Variants in VRK3 observed in about 807,000 individuals in gnomAD.
VRK3 encodes the protein VRK serine/threonine kinase 3.
In VRK3, 50 loss-of-function variants were observed where a neutral mutation model predicts 60.4. The observed-to-expected ratio is 0.83, with a 90% confidence interval of 0.66 to 1.05. The LOEUF (loss-of-function observed/expected upper bound fraction) is 1.05. Among genes scored for constraint, VRK3 ranks in the 50% least tolerant of loss-of-function variants. The pLI is 0.00. For missense variants in VRK3, 549 were observed against 585.3 expected, an observed-to-expected ratio of 0.94 and a Z score of 0.64; for synonymous variants, 246 against 227.8, an observed-to-expected ratio of 1.08 and a Z score of -0.72.
Position 49,977,977 on chromosome 19 carries a change from G to A in VRK3, c.*11+1106C>T, listed in dbSNP as rs370485363. Among the ~76,000 whole-genome samples the A allele has an allele frequency of 3.9e-5, 6 of 152,320 alleles. No homozygotes were observed. In the South Asian group the frequency reaches 1.2e-3, roughly 32 times the overall value. ...CCTCAGATGTAAGGAAACGTTGTGGGAATGCAGAAGCACTTGTAATCCAAG... is the reference window on the plus strand; with the variant it reads ...CCTCAGATGTAAGGAAACGTTGTGGAAATGCAGAAGCACTTGTAATCCAAG... On this transcript the variant is annotated intron_variant, in intron 14 of 14. Coordinates refer to ENST00000316763, the MANE Select transcript of VRK3 (RefSeq NM_016440.4).
At chr19:50,022,342 T>C (rs1322272668) in intron 1 of VRK3, among the ~76,000 whole-genome samples, 1 of 152,168 alleles carries the variant, frequency 6.6e-6, no homozygotes, top group African/African-American at 2.4e-5. Context: ...ACCAGCCTGG[T>C]CTAGGCCACC....
At chr19:50,000,669 G>A in intron 6 of VRK3, 121 bp downstream of exon 6, 1 of 1,173,704 alleles carries the variant, frequency 8.5e-7, no homozygotes, top group Non-Finnish European at 1.2e-6. Context: ...AATACTCCTT[G>A]CAGGTGGGGA....
Position 50,025,068 on chromosome 19 carries a change from C to G in VRK3, c.-65+199G>C, listed in dbSNP as rs1371193221. 5 of 152,264 alleles carry G rather than the reference C, an allele frequency of 3.3e-5. No homozygotes were observed. In the East Asian group the frequency reaches 9.6e-4, roughly 29 times the overall value. 9.4% of individuals were successfully genotyped at this position (152,264 alleles called of 1,614,324 possible). On this transcript the variant is annotated intron_variant, in intron 1 of 14. Coordinates refer to ENST00000316763, the MANE Select transcript of VRK3 (RefSeq NM_016440.4). ...CCGCCCATCTCCGCCTTAGCCATGC[C>G]CAACACGGAGCCCAAGGTGGCTTGG...
intron 7 of VRK3, among the ~76,000 whole-genome samples, chr19:49,996,482 C>T (rs2076706736): frequency 6.6e-6 from 1 of 152,190 alleles, no homozygotes; most frequent in Non-Finnish European, 1.5e-5. Context: ...AGCATTCTCA[C>T]CACACAGAGA....
intron 13 of VRK3, among the ~76,000 whole-genome samples, chr19:49,980,648 C>T (rs1005370796): frequency 1.3e-5 from 2 of 151,736 alleles, no homozygotes; most frequent in African/African-American, 4.8e-5. Flanking sequence ...ACCTGGGAGG[C>T]GGAGACTGCA....
At position 49,988,398 on chromosome 19, in the gene VRK3, A is replaced by G. The variant is rs781752118; in HGVS notation, c.1191T>C (p.Thr397=). ...TCTGTTTTTGCTTCATGATGTCCTC[A>G]GTGTTGGGAAGGCAATTTGTCCATG... ...FLPWTNCLPN[T]EDIMKQKQKF... Residue 397 remains threonine, a synonymous_variant, in exon 12 of 15, where the codon ACT becomes ACC. Coordinates refer to ENST00000316763, the MANE Select transcript of VRK3 (RefSeq NM_016440.4). The G allele has an allele frequency of 6.8e-6, 11 of 1,613,096 alleles. No individual in the cohort carries two copies. The South Asian group carries it at 9.9e-5, about 14-fold the overall frequency.
chr19:49,985,939 C>T (rs75704508), intron 12 of VRK3, among the ~76,000 whole-genome samples: 172 of 152,306 alleles, frequency 1.1e-3, no homozygotes, highest in African/African-American at 3.9e-3. Flanking sequence ...GGACTGATTA[C>T]CTAAGCTCTC....
intron 9 of VRK3, among the ~76,000 whole-genome samples, chr19:49,994,038 G>C (rs909326103): frequency 6.6e-6 from 1 of 152,168 alleles, no homozygotes; most frequent in Admixed American, 6.5e-5. Flanking sequence ...GGCCCCGTGT[G>C]ATGTGGTCAC....
chr19:49,988,834 G>C (rs115789480), intron 11 of VRK3, among the ~76,000 whole-genome samples: 1 of 152,146 alleles, frequency 6.6e-6, no homozygotes, highest in African/African-American at 2.4e-5. Flanking sequence ...GTCCCAGCCC[G>C]TGACAGCCTA....
At chr19:49,979,352 G>C in intron 13 of VRK3, 110 bp from the exon 14 acceptor site, 1 of 1,485,312 alleles carries the variant, frequency 6.7e-7, no homozygotes, top group Non-Finnish European at 9.2e-7. Flanking sequence ...GGGGCATGAG[G>C]GTCTCAGCAA....
chr19:50,010,949 CAAAA>C (rs1300982980), intron 3 of VRK3, among the ~76,000 whole-genome samples: 1 of 150,864 alleles, frequency 6.6e-6, no homozygotes, highest in Non-Finnish European at 1.5e-5. Context: ...AAAACAAAAA[CAAAA>C]AAGGGAATTC....
At chr19:50,012,768 C>A (rs569432638) in intron 3 of VRK3, among the ~76,000 whole-genome samples, 34 of 152,040 alleles carry the variant, frequency 2.2e-4, no homozygotes, top group African/African-American at 8.2e-4. Context: ...CCAGCTACTA[C>A]GGAGGCTGAG....
intron 14 of VRK3, chr19:49,978,775 C>A: frequency 4.1e-6 from 1 of 244,094 alleles, no homozygotes; most frequent in Non-Finnish European, 8.0e-6. Context: ...GAGAGACAAA[C>A]AACGTCTTGA....
chr19:49,991,279 T>C (rs184768908), intron 10 of VRK3, among the ~76,000 whole-genome samples: 112 of 152,248 alleles, frequency 7.4e-4, no homozygotes, highest in Middle Eastern at 3.4e-3. Flanking sequence ...AAGATGTGAA[T>C]AGAATAAAAA....
At chr19:50,024,956 T>G (rs572600224) in intron 1 of VRK3, 1 of 152,284 alleles carries the variant, frequency 6.6e-6, no homozygotes, top group East Asian at 1.9e-4. Context: ...CGACAGAGCC[T>G]CCCTTCGGCC....
At chr19:50,021,038 G>A (rs1267295084) in intron 1 of VRK3, among the ~76,000 whole-genome samples, 1 of 152,242 alleles carries the variant, frequency 6.6e-6, no homozygotes, top group Non-Finnish European at 1.5e-5. Flanking sequence ...CTCGCCCAGA[G>A]GGAGGCATCT....
chr19:49,985,813 T>C (rs1272247860), intron 12 of VRK3, among the ~76,000 whole-genome samples: 1 of 152,178 alleles, frequency 6.6e-6, no homozygotes, highest in African/African-American at 2.4e-5. Context: ...GAACCACCAG[T>C]TCACCTCATA....
chr19:49,992,279 T>C (rs1204289164), intron 10 of VRK3, among the ~76,000 whole-genome samples: 1 of 152,186 alleles, frequency 6.6e-6, no homozygotes, highest in Admixed American at 6.5e-5. Flanking sequence ...TAGTGGCGCA[T>C]GCCTGTAATC....
chr19:50,023,958 CAG>C (rs2077215386), intron 1 of VRK3, among the ~76,000 whole-genome samples: 1 of 152,198 alleles, frequency 6.6e-6, no homozygotes, highest in Non-Finnish European at 1.5e-5. Context: ...GCATGATGGA[CAG>C]AGTTTTGCTA....
Sources: gnomAD v4.1 joint callset for allele counts (sites outside exome capture counted in the v4.1 genomes callset) on GRCh38, gnomAD v4.1.1 for gene constraint, MANE v1.5 for transcripts, NCBI Gene and HGNC (gene_info 2026-07-23, HGNC 2026-07-21) for gene names.